Variants in PARL observed in about 807,000 individuals in gnomAD.
PARL encodes the protein presenilin associated rhomboid like, also known as presenilin-associated rhomboid-like protein, mitochondrial.
Under a neutral mutation model 51.6 loss-of-function variants are expected in PARL, and 44 were observed. The ratio of observed to expected loss-of-function variants is 0.85; its 90% CI spans 0.67 to 1.10. PARL has a LOEUF of 1.10. Ranked by LOEUF, PARL falls within the 50% of genes least tolerant of loss-of-function variation. The probability of loss-of-function intolerance (pLI) is 0.00; values close to 1 mark genes in which losing one functional copy is unlikely to be tolerated. For synonymous variants in PARL, 172 were observed against 164.0 expected, an observed-to-expected ratio of 1.05 and a Z score of -0.37; for missense variants, 441 against 469.5, an observed-to-expected ratio of 0.94 and a Z score of 0.56.
intron 5 of PARL, 57 bp downstream of exon 5, chr3:183,844,174 G>T: frequency 8.6e-7 from 1 of 1,164,296 alleles, no homozygotes. Context: ...ATTAACTAAA[G>T]CATATTTCTT....
chr3:183,857,696 G>A (rs931794664), intron 4 of PARL, among the ~76,000 whole-genome samples: 7 of 152,122 alleles, frequency 4.6e-5, no homozygotes, highest in South Asian at 2.1e-4. Flanking sequence ...ATTTTCATCT[G>A]CTACCATGCA....
intron 4 of PARL, among the ~76,000 whole-genome samples, chr3:183,858,475 C>A (rs1731413680): frequency 6.6e-6 from 1 of 152,208 alleles, no homozygotes; most frequent in Non-Finnish European, 1.5e-5. Flanking sequence ...GGAACTACGG[C>A]ACAGTTTTCT....
chr3:183,839,303 T>C (rs567440928), intron 7 of PARL, among the ~76,000 whole-genome samples: 3 of 152,328 alleles, frequency 2.0e-5, no homozygotes, highest in African/African-American at 7.2e-5. Flanking sequence ...TTAAATGAAT[T>C]AGTATTTAAA....
At chr3:183,875,299 C>T (rs1394118754) in intron 1 of PARL, among the ~76,000 whole-genome samples, 1 of 151,268 alleles carries the variant, frequency 6.6e-6, no homozygotes, top group Non-Finnish European at 1.5e-5. Flanking sequence ...ACTGTAATCC[C>T]AGCCACTGGG....
intron 3 of PARL, among the ~76,000 whole-genome samples, chr3:183,866,366 C>T (rs1017105868): frequency 6.6e-6 from 1 of 152,188 alleles, no homozygotes; most frequent in African/African-American, 2.4e-5. Flanking sequence ...AATAACCAGG[C>T]TTCAAAACCT....
At chr3:183,845,844 G>A (rs1323231368) in intron 4 of PARL, among the ~76,000 whole-genome samples, 1 of 152,164 alleles carries the variant, frequency 6.6e-6, no homozygotes, top group Non-Finnish European at 1.5e-5. Flanking sequence ...GCACCCTTAG[G>A]TCTAGGTTGT....
intron 1 of PARL, among the ~76,000 whole-genome samples, chr3:183,872,519 C>T (rs1454668395): frequency 6.6e-6 from 1 of 152,222 alleles, no homozygotes; most frequent in East Asian, 1.9e-4. Context: ...ACCAATGGTA[C>T]TGTTGCTCTA....
At chr3:183,860,990 A>G (rs1386944132) in intron 4 of PARL, among the ~76,000 whole-genome samples, 1 of 151,854 alleles carries the variant, frequency 6.6e-6, no homozygotes, top group Non-Finnish European at 1.5e-5. Flanking sequence ...AATTTTTTGT[A>G]TTTTTAGTAG....
At chr3:183,877,456 G>A (rs953067443) in intron 1 of PARL, among the ~76,000 whole-genome samples, 1 of 152,176 alleles carries the variant, frequency 6.6e-6, no homozygotes, top group African/African-American at 2.4e-5. Flanking sequence ...CGGTTTGAGA[G>A]GATTTACTCC....
Position 183,832,367 on chromosome 3 carries a change from C to T in PARL, c.1028+1125G>A, listed in dbSNP as rs550246805. ...CCGAGTAGCTGGGACTACAGGCGCC[C>T]GCCACCACGCCCGGCTAAGTTTTTT... On this transcript the variant is annotated intron_variant, in intron 9 of 9. Coordinates refer to ENST00000317096, the MANE Select transcript of PARL (RefSeq NM_018622.7). 6.6e-5 allele frequency among the ~76,000 whole-genome samples: 10 copies of T among 151,990 alleles called. No individual in the cohort carries two copies. In the South Asian group the frequency reaches 1.2e-3, roughly 19 times the overall value.
chr3:183,836,390 A>G (rs1052035652), intron 7 of PARL, among the ~76,000 whole-genome samples: 2 of 152,128 alleles, frequency 1.3e-5, no homozygotes, highest in Non-Finnish European at 2.9e-5. Context: ...ACACAGTTCC[A>G]TCATCCTTCT....
At chr3:183,834,951 T>C (rs931850128) in intron 7 of PARL, among the ~76,000 whole-genome samples, 1 of 150,098 alleles carries the variant, frequency 6.7e-6, no homozygotes, top group African/African-American at 2.5e-5. Context: ...CCCACCTACT[T>C]AGGATGCTAA....
intron 4 of PARL, 36 bp downstream of exon 4, chr3:183,862,717 C>T (rs367848727): frequency 1.0e-5 from 16 of 1,568,214 alleles, no homozygotes; most frequent in Non-Finnish European, 1.4e-5. Flanking sequence ...GATTTCTCTT[C>T]CCTTGAATGG....
chr3:183,828,712 G>A (rs904633096), downstream of PARL, among the ~76,000 whole-genome samples: 2 of 152,124 alleles, frequency 1.3e-5, no homozygotes, highest in Non-Finnish European at 2.9e-5. Context: ...GAGTCCGATC[G>A]GCCACAGGAG....
At chr3:183,846,821 T>C (rs1339576198) in intron 4 of PARL, 1 of 166,436 alleles carries the variant, frequency 6.0e-6, no homozygotes, top group African/African-American at 2.4e-5. Context: ...AAAAGTGAAA[T>C]GCACATACTT....
intron 4 of PARL, among the ~76,000 whole-genome samples, chr3:183,857,479 AT>A (rs1444565121): frequency 6.6e-6 from 1 of 152,246 alleles, no homozygotes; most frequent in Non-Finnish European, 1.5e-5. Flanking sequence ...GTGAAAAAAA[AT>A]CATGGTGCAG....
At chr3:183,861,932 C>T (rs1731880217) in intron 4 of PARL, among the ~76,000 whole-genome samples, 2 of 152,142 alleles carry the variant, frequency 1.3e-5, no homozygotes, top group African/African-American at 4.8e-5. Flanking sequence ...CACCACCACA[C>T]CTGGCTAATT....
At chr3:183,847,649 C>G (rs1271118206) in intron 4 of PARL, among the ~76,000 whole-genome samples, 2 of 152,088 alleles carry the variant, frequency 1.3e-5, no homozygotes. Flanking sequence ...AGCAGTCACA[C>G]AGTGAACCAG....
At chr3:183,840,664 T>A in intron 6 of PARL, 24 bp from the exon 7 acceptor site, 1 of 1,206,554 alleles carries the variant, frequency 8.3e-7, no homozygotes, top group Non-Finnish European at 1.2e-6. Context: ...CACATTACAA[T>A]AATTTAAGTG....
Sources: gnomAD v4.1 joint callset for allele counts (sites outside exome capture counted in the v4.1 genomes callset) on GRCh38, gnomAD v4.1.1 for gene constraint, MANE v1.5 for transcripts, NCBI Gene and HGNC (gene_info 2026-07-23, HGNC 2026-07-21) for gene names.